Variants in LYZL6 observed in about 807,000 individuals in gnomAD.
LYZL6 encodes the protein lysozyme-like protein 6.
LYZL6 carries 21 observed loss-of-function variants against 15.0 expected under a neutral mutation model. That is an observed-to-expected ratio of 1.40 (90% CI 1.00 to 2.02). LYZL6 has a LOEUF of 2.02. Among genes scored for constraint, LYZL6 ranks in the 30% most tolerant of loss-of-function variants. The pLI, the probability that LYZL6 is intolerant of heterozygous loss-of-function variation, is 0.00. For missense variants in LYZL6, 173 were observed against 180.5 expected (o/e 0.96, Z 0.24); for synonymous variants, 72 against 67.8 (o/e 1.06, Z -0.31).
chr17:35,935,741 T>C (rs2089365928), intron 4 of LYZL6, among the ~76,000 whole-genome samples: 1 of 152,078 alleles, frequency 6.6e-6, no homozygotes, highest in South Asian at 2.1e-4. Flanking sequence ...CTCGAACTCC[T>C]GACTTTGTGA....
chr17:35,935,812 G>A (rs1358776494), intron 4 of LYZL6, among the ~76,000 whole-genome samples: 4 of 143,164 alleles, frequency 2.8e-5, no homozygotes, highest in South Asian at 2.3e-4. Flanking sequence ...GCGCCCAGCC[G>A]CCACATTTTT....
chr17:35,939,504 C>A lies in LYZL6; in HGVS notation c.-148G>T, dbSNP rs2089408379. ...CTGCTCCAACCTGGCTGTTTCCAAT[C>A]TCTTTTCTCTTGTTTATTATTTTAT... On this transcript the variant is annotated 5_prime_UTR_variant, in exon 2 of 5. Coordinates refer to ENST00000615905, the MANE Select transcript of LYZL6 (RefSeq NM_020426.4). The A allele has an allele frequency of 6.8e-6, 4 of 589,868 alleles. No homozygotes were observed. Among genetic ancestry groups the A allele is most frequent in the African/African-American group, 3.7e-5 (2 of 54,488 alleles). 36.5% of individuals were successfully genotyped at this position (589,868 alleles called of 1,614,324 possible).
intron 4 of LYZL6, 104 bp downstream of exon 4, chr17:35,936,651 G>C: frequency 1.1e-6 from 1 of 881,092 alleles, no homozygotes; most frequent in Non-Finnish European, 1.8e-6. Context: ...CATCTTTCTA[G>C]ACACTGCAAG....
chr17:35,938,033 A>G (rs2141966874), intron 2 of LYZL6, 117 bp from the exon 3 acceptor site: 2 of 971,774 alleles, frequency 2.1e-6, no homozygotes, highest in East Asian at 5.1e-5. Flanking sequence ...GGGAGGCAAG[A>G]TAGGACTAGA....
chr17:35,934,742 CCT>C lies in LYZL6; in HGVS notation c.*52_*53del. 1 of 1,512,458 alleles carries C rather than the reference CCT, an allele frequency of 6.6e-7. No homozygotes were observed. Among genetic ancestry groups the C allele is most frequent in the Non-Finnish European group, 9.2e-7 (1 of 1,090,822 alleles). 93.7% of individuals were successfully genotyped at this position (1,512,458 alleles called of 1,614,324 possible). On this transcript the variant is annotated 3_prime_UTR_variant, in exon 5 of 5. Transcript: ENST00000615905. ...CAGTAGGAAGAAGAAATGAAGAATC[CCT>C]GAGTGAGGACAGGAGTCTTGGAATG...
At chr17:35,936,436 T>C (rs948852655) in intron 4 of LYZL6, among the ~76,000 whole-genome samples, 2 of 152,232 alleles carry the variant, frequency 1.3e-5, no homozygotes, top group African/African-American at 4.8e-5. Flanking sequence ...GACAGTGTGC[T>C]GACAATTTCC....
intron 3 of LYZL6, among the ~76,000 whole-genome samples, chr17:35,937,380 C>T (rs906386398): frequency 1.3e-5 from 2 of 152,232 alleles, no homozygotes; most frequent in Non-Finnish European, 2.9e-5. Context: ...TGCTGGTTCT[C>T]TTTTTGAGCC....
In LYZL6 at chr17:35,937,918, TTAGAG is replaced by T. The variant is rs2089390483; in HGVS notation, c.140-7_140-3del. The T allele has an allele frequency of 6.2e-7, 1 of 1,613,124 alleles. No individual in the cohort carries two copies. Among genetic ancestry groups the T allele is most frequent in the Non-Finnish European group, 8.5e-7 (1 of 1,179,880 alleles). ...TTTCCACAAAAGCCAGGCACAGCCC[TTAGAG>T]TAGGGAGAAGAAGGTCAGGATTTAG... is the stretch of plus-strand genomic sequence containing the variant. On this transcript the variant is annotated splice_region_variant and splice_polypyrimidine_tract_variant and intron_variant, in intron 2 of 4. Transcript: ENST00000615905.
chr17:35,936,038 C>G (rs2089369667), intron 4 of LYZL6, among the ~76,000 whole-genome samples: 1 of 152,028 alleles, frequency 6.6e-6, no homozygotes, highest in Admixed American at 6.5e-5. Context: ...TGGTCTCGAA[C>G]TCCTGACCTC....
chr17:35,942,849 A>G (rs1336350460), intron 1 of LYZL6, among the ~76,000 whole-genome samples: 9 of 152,190 alleles, frequency 5.9e-5, no homozygotes, highest in Admixed American at 5.9e-4. Context: ...GGGTATGCCT[A>G]CAGCTGCAAG....
chr17:35,940,985 T>G (rs1398166305), intron 1 of LYZL6, among the ~76,000 whole-genome samples: 2 of 152,248 alleles, frequency 1.3e-5, no homozygotes, highest in African/African-American at 4.8e-5. Flanking sequence ...ATTAACATAC[T>G]AGTTTTTGTG....
intron 2 of LYZL6, 29 bp from the exon 3 acceptor site, chr17:35,937,945 T>C: frequency 6.2e-7 from 1 of 1,607,548 alleles, no homozygotes; most frequent in Non-Finnish European, 8.5e-7. Flanking sequence ...AGGTCAGGAT[T>C]TAGAGGGGAC....
rs759300555 is a variant in LYZL6 at position 35,934,755 on chromosome 17, AG to A, written c.*40del. The A allele has an allele frequency of 7.5e-5, 117 of 1,551,286 alleles. No individual in the cohort carries two copies. The African/African-American group carries it at 1.3e-3, about 17-fold the overall frequency. ...AAATGAAGAATCCCTGAGTGAGGAC[AG>A]GAGTCTTGGAATGACTCCACGGTGC... On this transcript the variant is annotated 3_prime_UTR_variant, in exon 5 of 5. Coordinates refer to ENST00000615905, the MANE Select transcript of LYZL6 (RefSeq NM_020426.4).
At chr17:35,940,983 A>C (rs1296158182) in intron 1 of LYZL6, among the ~76,000 whole-genome samples, 1 of 152,222 alleles carries the variant, frequency 6.6e-6, no homozygotes, top group East Asian at 1.9e-4. Context: ...ACATTAACAT[A>C]CTAGTTTTTG....
rs116449228 is a variant in LYZL6, at chr17:35,938,887, C to T, written c.139+331G>A. On this transcript the variant is annotated intron_variant, in intron 2 of 4. Transcript: ENST00000615905. The stretch of plus-strand genomic sequence containing the variant: ...TCCCCATCTAAAGAATTCACCATTG[C>T]TCCCCCTGCTTTATTCTTCTTCATA... Among the ~76,000 whole-genome samples the T allele has an allele frequency of 9.9e-3, 1,504 of 152,286 alleles. 25 individuals carry two copies. Among genetic ancestry groups the T allele is most frequent in the African/African-American group, 0.034 (1,415 of 41,544 alleles).
chr17:35,937,650 TGAACCA>T, intron 3 of LYZL6, 102 bp downstream of exon 3: 2 of 1,267,284 alleles, frequency 1.6e-6, no homozygotes, highest in Admixed American at 2.3e-5. Context: ...CCTGATTTTT[TGAACCA>T]TATTTCTGGG....
chr17:35,942,718 T>C (rs2089432955), intron 1 of LYZL6, among the ~76,000 whole-genome samples: 1 of 152,108 alleles, frequency 6.6e-6, no homozygotes, highest in African/African-American at 2.4e-5. Flanking sequence ...GGGGGAAGTC[T>C]CCTGGGTAAT....
chr17:35,941,992 G>T (rs1475962091), intron 1 of LYZL6, among the ~76,000 whole-genome samples: 1 of 152,210 alleles, frequency 6.6e-6, no homozygotes, highest in Non-Finnish European at 1.5e-5. Context: ...TCCAAAGACG[G>T]ACAGAGGGAC....
rs141105239 is a variant in LYZL6 at position 35,939,336 on chromosome 17, G to T, written c.21C>A (p.Ile7=). The change falls in exon 2 of 5, where the codon ATC becomes ATA. Residue 7 remains isoleucine (I), a synonymous_variant. Transcript: ENST00000615905. MTKALL[I]YLVSSFLALN... ...GGGCAAGAAAGCTGCTGACCAAATA[G>T]ATGAGTAGCGCCTTTGTCATCCTTG... 1 of 1,614,150 alleles carries T rather than the reference G, an allele frequency of 6.2e-7. No individual in the cohort carries two copies. Among genetic ancestry groups the T allele is most frequent in the Non-Finnish European group, 8.5e-7 (1 of 1,180,000 alleles).
Sources: gnomAD v4.1 joint callset for allele counts (sites outside exome capture counted in the v4.1 genomes callset) on GRCh38, gnomAD v4.1.1 for gene constraint, MANE v1.5 for transcripts, NCBI Gene and HGNC (gene_info 2026-07-23, HGNC 2026-07-21) for gene names.